ATM: variants seen among roughly 807,000 people sequenced by gnomAD.
ATM encodes the protein serine-protein kinase ATM.
A neutral mutation model predicts 387.0 loss-of-function variants in ATM; 308 were observed. The ratio of observed to expected loss-of-function variants is 0.80; its 90% CI spans 0.73 to 0.87. ATM has a LOEUF of 0.87. Ranked by LOEUF, ATM falls within the 40% of genes least tolerant of loss-of-function variation. ATM has a pLI of 0.00. For synonymous variants in ATM, 1,156 were observed against 1,187.3 expected, an observed-to-expected ratio of 0.97 and a Z score of 0.54; for missense variants, 3,312 against 3,560.9, an observed-to-expected ratio of 0.93 and a Z score of 1.78.
rs2135891100 is a variant in ATM, at chr11:108,299,818, G to A, written c.5110G>A (p.Glu1704Lys). Residue 1704 changes from glutamate to lysine, a missense_variant, in exon 34 of 63, where the codon GAA becomes AAA. By Grantham distance (56) the Glu-to-Lys change is moderately conservative (BLOSUM62 1). Coordinates refer to ENST00000675843, the MANE Select transcript of ATM (RefSeq NM_000051.4). ...TTATACCAAGGCCCTTAAGTTATTT[G>A]AAGATAAAGAACTTCAGTGGACCTT... ...ASYTKALKLF[E>K]DKELQWTFIM... The A allele has an allele frequency of 6.2e-7, 1 of 1,613,844 alleles. No individual in the cohort carries two copies. The highest frequency in any genetic ancestry group is 8.5e-7 in the Non-Finnish European group (1 of 1,179,836).
intron 4 of ATM, among the ~76,000 whole-genome samples, chr11:108,233,920 G>GAT (rs2079142232): frequency 2.0e-5 from 3 of 152,136 alleles, no homozygotes; most frequent in African/African-American, 4.8e-5. Context: ...AGAGGAGGGA[G>GAT]ATATATTGGG....
At chr11:108,223,344 G>C (rs867556485) in intron 1 of ATM, 158 bp downstream of exon 1, 1 of 152,676 alleles carries the variant, frequency 6.5e-6, no homozygotes, top group Non-Finnish European at 1.5e-5. Context: ...CCTCTCTCCG[G>C]GTGCTTAGCG....
chr11:108,338,086 C>T (rs756838098), intron 56 of ATM, among the ~76,000 whole-genome samples: 8 of 152,242 alleles, frequency 5.3e-5, no homozygotes, highest in Admixed American at 6.5e-5. Context: ...TGGTGGCCCA[C>T]GCCTGTAATC....
chr11:108,333,674 A>G (rs2086520836), intron 53 of ATM, among the ~76,000 whole-genome samples: 1 of 152,192 alleles, frequency 6.6e-6, no homozygotes, highest in African/African-American at 2.4e-5. Context: ...TTGTCAGGTA[A>G]CCTGCAAATT....
At chr11:108,318,251 A>T (rs920437316) in intron 43 of ATM, among the ~76,000 whole-genome samples, 2 of 152,108 alleles carry the variant, frequency 1.3e-5, no homozygotes, top group Non-Finnish European at 2.9e-5. Context: ...AGTCCCAGCT[A>T]CTTGGGAGCC....
chr11:108,256,090 C>CACCTTTAACTCAGTTA, intron 13 of ATM, 125 bp from the exon 14 acceptor site: 1 of 836,820 alleles, frequency 1.2e-6, no homozygotes, highest in East Asian at 3.5e-5. Context: ...CAGGATATGC[C>CACCTTTAACTCAGTTA]ACCTTTAACT....
rs1060504302 is a variant in ATM at position 108,307,958 on chromosome 11, T to C, written c.5736T>C (p.Val1912=). The change falls in exon 38 of 63, where the codon GTT becomes GTC. Residue 1912 remains valine (V), a synonymous_variant. Coordinates refer to ENST00000675843, the MANE Select transcript of ATM (RefSeq NM_000051.4). ...DKKSQRTMLA[V]VDYMRRQKRP... ...AATCACAAAGAACAATGCTTGCTGT[T>C]GTGGACTACATGAGAAGACAAAAGA... 1.9e-6 allele frequency: 3 copies of C among 1,613,672 alleles called. No homozygotes were observed. The highest frequency in any genetic ancestry group is 2.5e-6 in the Non-Finnish European group (3 of 1,179,664).
chr11:108,347,160 T>G (rs1396023107), intron 58 of ATM, 119 bp from the exon 59 acceptor site: 1 of 834,448 alleles, frequency 1.2e-6, no homozygotes, highest in African/African-American at 1.7e-5. Context: ...TTAAGTAGGC[T>G]AAAAATCCTA....
intron 20 of ATM, among the ~76,000 whole-genome samples, chr11:108,272,233 A>C (rs1259023227): frequency 6.6e-6 from 1 of 152,210 alleles, no homozygotes; most frequent in Non-Finnish European, 1.5e-5. Context: ...TATACCAAAC[A>C]AAGAAATTTC....
At chr11:108,259,571 T>C (rs564282184) in intron 16 of ATM, among the ~76,000 whole-genome samples, 1 of 152,358 alleles carries the variant, frequency 6.6e-6, no homozygotes, top group East Asian at 1.9e-4. Flanking sequence ...TGCTTCTTAA[T>C]ATCAATACCT....
At chr11:108,287,806 T>G in intron 27 of ATM, 91 bp downstream of exon 27, 1 of 889,492 alleles carries the variant, frequency 1.1e-6, no homozygotes, top group East Asian at 2.6e-5. Flanking sequence ...CTATTTCAAT[T>G]TATAGACATC....
rs587778074 is a variant in ATM at position 108,284,432 on chromosome 11, G to T, written c.3952G>T (p.Val1318Phe). 1.2e-6 allele frequency: 2 copies of T among 1,613,812 alleles called. No individual in the cohort carries two copies. Among genetic ancestry groups the T allele is most frequent in the East Asian group, 2.2e-5 (1 of 44,850 alleles). Residue 1318 changes from valine to phenylalanine, a missense_variant, in exon 26 of 63, where the codon GTC (valine) becomes TTC (phenylalanine). Coordinates refer to ENST00000675843, the MANE Select transcript of ATM (RefSeq NM_000051.4). ...MAQQRETATK[V>F]YDMLKSENLL... ...ACAGCAAAGAGAGACTGCTACCAAG[G>T]TCTATGATATGCTTAAAAGTGAAAA...
chr11:108,326,324 G>T, intron 47 of ATM, 99 bp downstream of exon 47: 1 of 1,414,084 alleles, frequency 7.1e-7, no homozygotes. Context: ...TTAGAGCCTT[G>T]AAATTAGTAA....
chr11:108,358,204 GATGAAATGA>G (rs1380882811), intron 61 of ATM, among the ~76,000 whole-genome samples: 12 of 151,648 alleles, frequency 7.9e-5, no homozygotes, highest in Admixed American at 6.6e-4. Context: ...AGCGATGGAA[GATGAAATGA>G]ATGAAATGAA....
rs781528244 is a variant in ATM, at chr11:108,353,857, G to A, written c.8763G>A (p.Thr2921=). The change falls in exon 60 of 63, where the codon ACG becomes ACA. Residue 2921 remains threonine (T), a synonymous_variant. Transcript: ENST00000675843. The part of the protein sequence containing the change: ...TRDIVDGMGI[T]GVEGVFRRCC... Reference sequence around the variant, plus strand: ...ATATTGTGGATGGCATGGGCATTACGGGTGTTGAAGGTGTCTTCAGAAGGT... The same window carrying A: ...ATATTGTGGATGGCATGGGCATTACAGGTGTTGAAGGTGTCTTCAGAAGGT... The A allele has an allele frequency of 5.6e-6, 9 of 1,613,552 alleles. No homozygotes were observed. Among genetic ancestry groups the A allele is most frequent in the Admixed American group, 3.3e-5 (2 of 60,006 alleles).
intron 17 of ATM, 84 bp downstream of exon 17, chr11:108,267,426 T>G: frequency 7.9e-7 from 1 of 1,271,060 alleles, no homozygotes; most frequent in Non-Finnish European, 1.1e-6. Context: ...ATATCAATTT[T>G]GTGCTTATTT....
intron 50 of ATM, 152 bp from the exon 51 acceptor site, chr11:108,331,292 A>G (rs2086206078): frequency 1.1e-5 from 15 of 1,397,976 alleles, no homozygotes; most frequent in Non-Finnish European, 1.4e-5. Context: ...TTCAGATAAG[A>G]AAAGAAATGA....
intron 24 of ATM, 152 bp downstream of exon 24, chr11:108,281,320 A>G (rs2082221182): frequency 2.6e-6 from 2 of 777,798 alleles, no homozygotes; most frequent in Non-Finnish European, 4.2e-6. Flanking sequence ...AGTTATACAA[A>G]AACTATTCAA....
chr11:108,315,690 A>G (rs752425566), intron 40 of ATM, 133 bp from the exon 41 acceptor site: 58 of 715,914 alleles, frequency 8.1e-5, no homozygotes, highest in Non-Finnish European at 1.3e-4. Flanking sequence ...TTTCAGAATC[A>G]TTACATTTTA....
Sources: allele counts gnomAD v4.1 joint callset (sites outside exome capture counted in the v4.1 genomes callset), GRCh38; gene constraint gnomAD v4.1.1; transcripts MANE v1.5; gene names NCBI Gene and HGNC (gene_info 2026-07-23, HGNC 2026-07-21).